SLC27A5: variants seen among roughly 807,000 people sequenced by gnomAD.
The protein encoded by SLC27A5 is solute carrier family 27 member 5.
Under a neutral mutation model 63.1 loss-of-function variants are expected in SLC27A5, and 47 were observed. That is an observed-to-expected ratio of 0.74 (90% CI 0.59 to 0.95). The LOEUF is 0.95. Ranked by LOEUF, SLC27A5 falls within the 40% of genes least tolerant of loss-of-function variation. The pLI is 0.00. For missense variants in SLC27A5, 940 were observed against 921.0 expected, an observed-to-expected ratio of 1.02 and a Z score of -0.27; for synonymous variants, 391 against 403.8, an observed-to-expected ratio of 0.97 and a Z score of 0.38.
intron 3 of SLC27A5, chr19:58,508,064 GTGA>G (rs2053366726): frequency 6.6e-6 from 1 of 152,138 alleles, no homozygotes; most frequent in Non-Finnish European, 1.5e-5. Context: ...TTTGAAGCAT[GTGA>G]TCTTTGTACC....
Position 58,501,017 on chromosome 19 carries a change from TTTAATTAA to T in SLC27A5, c.1182+261_1182+268del, listed in dbSNP as rs59564087. 1,610 of 1,182,062 alleles carry T rather than the reference TTTAATTAA, an allele frequency of 1.4e-3. 4 individuals carry two copies. The highest frequency in any genetic ancestry group is 1.4e-3 in the Non-Finnish European group (1,325 of 936,426). 73.2% of individuals were successfully genotyped at this position (1,182,062 alleles called of 1,614,324 possible). On this transcript the variant is annotated intron_variant, in intron 4 of 9. Transcript: ENST00000263093. Reference sequence around the variant, plus strand: ...AACTTTAATTTAATGGAAATTTAATTTTAATTAATTAATTTTTAATGGAAATTCTCATG... The same window carrying T: ...AACTTTAATTTAATGGAAATTTAATTTTAATTTTTAATGGAAATTCTCATG...
At chr19:58,500,295 G>A in intron 6 of SLC27A5, 44 bp downstream of exon 6, 1 of 1,533,838 alleles carries the variant, frequency 6.5e-7, no homozygotes. Flanking sequence ...AAGACTGAGG[G>A]TCGCCACCCC....
rs757837867 is a variant in SLC27A5 at position 58,511,595 on chromosome 19, C to T, written c.361G>A (p.Glu121Lys). 1.1e-5 allele frequency: 18 copies of T among 1,584,596 alleles called. No homozygotes were observed. The highest frequency in any genetic ancestry group is 2.3e-5 in the East Asian group (1 of 43,920). ...QPPDTFVDAF[E>K]RRARAQPGRA... ...CCAGGCTGCGCTCGTGCTCGCCGCT[C>T]GAAGGCATCTACAAAGGTGTCAGGC... is the stretch of plus-strand genomic sequence containing the variant. Residue 121 changes from glutamate to lysine, a missense_variant, in exon 1 of 10, where the codon GAG becomes AAG. By Grantham distance (56) the Glu-to-Lys change is moderately conservative. Coordinates refer to ENST00000263093, the MANE Select transcript of SLC27A5 (RefSeq NM_012254.3).
Position 58,499,649 on chromosome 19 carries a change from G to T in SLC27A5, c.1510C>A (p.Pro504Thr), listed in dbSNP as rs749771979. 5.0e-6 allele frequency: 8 copies of T among 1,612,448 alleles called. No homozygotes were observed. In the African/African-American group the frequency reaches 9.3e-5, roughly 19 times the overall value. The change falls in exon 7 of 10, where the codon CCC becomes ACC. Residue 504 changes from proline to threonine, a missense_variant. By Grantham distance (38) the Pro-to-Thr change is conservative (BLOSUM62 -1). Coordinates refer to ENST00000263093, the MANE Select transcript of SLC27A5 (RefSeq NM_012254.3). ...CGGGGGCCGCGGTAGCCCACGAAGG[G>T]TTGCTGGCTTACCACCTTGGTCAGC... ...LLLTKVVSQQPFVGYRGPREL... is the reference protein window; with the variant it reads ...LLLTKVVSQQTFVGYRGPREL...
Position 58,500,335 on chromosome 19 carries a change from A to C in SLC27A5, c.1468+4T>G. On this transcript the variant is annotated splice_donor_region_variant and intron_variant, in intron 6 of 9. Coordinates refer to ENST00000263093, the MANE Select transcript of SLC27A5 (RefSeq NM_012254.3). ...ACCCAGGAAAGGCTCCTCAACCCCC[A>C]TACCTAGCCCTACAGGGATGCAGAA... 1 of 1,611,882 alleles carries C rather than the reference A, an allele frequency of 6.2e-7. No homozygotes were observed. The highest frequency in any genetic ancestry group is 8.5e-7 in the Non-Finnish European group (1 of 1,179,442).
rs992511357 is a variant in SLC27A5, at chr19:58,501,497, C to G, written c.1058-87G>C. 28 of 1,445,238 alleles carry G rather than the reference C, an allele frequency of 1.9e-5. No homozygotes were observed. The African/African-American group carries it at 3.7e-4, about 19-fold the overall frequency. The allele number at this position is 1,445,238 out of a possible 1,614,324, so 89.5% of individuals were successfully genotyped here. On this transcript the variant is annotated intron_variant, in intron 3 of 9. Transcript: ENST00000263093. ...TTTAGCACCTGTGCTCACCCACCCC[C>G]ACACCCTGAAATACAGGACAATACT...
rs114836656 is a variant in SLC27A5 at position 58,502,464 on chromosome 19, C to T, written c.1058-1054G>A. ...GTGAGTGAGAAGATGGATGGGTGAA[C>T]AGAGTAGTGAGTGAGTAGATGGATG... On this transcript the variant is annotated intron_variant, in intron 3 of 9. Coordinates refer to ENST00000263093, the MANE Select transcript of SLC27A5 (RefSeq NM_012254.3). 4.1e-3 allele frequency among the ~76,000 whole-genome samples: 520 copies of T among 127,260 alleles called. 12 individuals are homozygous for T. Among genetic ancestry groups the T allele is most frequent in the African/African-American group, 0.015 (490 of 33,292 alleles). The allele number at this position is 127,260 out of a possible 152,430, so 83.5% of individuals were successfully genotyped here.
At chr19:58,511,013 G>A (rs1443424100) in intron 1 of SLC27A5, 83 bp from the exon 2 acceptor site, 3 of 1,134,400 alleles carry the variant, frequency 2.6e-6, no homozygotes, top group Non-Finnish European at 3.7e-6. Context: ...ACAGATGCAG[G>A]CAGAGGAGCA....
intron 3 of SLC27A5, among the ~76,000 whole-genome samples, chr19:58,501,889 C>T (rs1279350212): frequency 1.3e-5 from 2 of 152,202 alleles, no homozygotes; most frequent in Admixed American, 1.3e-4. Flanking sequence ...GTTGGCCAGG[C>T]TGGTCTTGAA....
At chr19:58,499,299 T>G (rs2053245649) in intron 7 of SLC27A5, 79 bp from the exon 8 acceptor site, 1 of 1,468,930 alleles carries the variant, frequency 6.8e-7, no homozygotes, top group Non-Finnish European at 9.3e-7. Context: ...CCCGCCCCTT[T>G]TGGGGATCAG....
In SLC27A5 at chr19:58,510,839, C is replaced by T. The variant is rs766541570; in HGVS notation, c.780G>A (p.Gly260=). The T allele has an allele frequency of 4.3e-6, 7 of 1,613,216 alleles. No homozygotes were observed. In the Admixed American group the frequency reaches 1.2e-4, roughly 27 times the overall value. The change falls in exon 2 of 10, where the codon GGG becomes GGA. Residue 260 remains glycine (G), a synonymous_variant. Coordinates refer to ENST00000263093, the MANE Select transcript of SLC27A5 (RefSeq NM_012254.3). ...CCAGGGCAGCCCCCAGAGCCCCCAC[C>T]CCTGGTGTAGGGGAGGTATGGCTGA... is the stretch of plus-strand genomic sequence containing the variant. ...FYLSHTSPTP[G]VGALGAALDA...
chr19:58,503,586 C>G (rs943764658), intron 3 of SLC27A5, among the ~76,000 whole-genome samples: 1 of 151,996 alleles, frequency 6.6e-6, no homozygotes, highest in Non-Finnish European at 1.5e-5. Flanking sequence ...TCGCTTGAAC[C>G]CAGGAGGGGG....
intron 3 of SLC27A5, 23 bp downstream of exon 3, chr19:58,509,824 G>C (rs556623064): frequency 6.2e-7 from 1 of 1,603,094 alleles, no homozygotes; most frequent in African/African-American, 1.3e-5. Context: ...GTAGACTGGA[G>C]GGATCCTCAG....
chr19:58,499,687 T>G lies in SLC27A5; in HGVS notation c.1472A>C (p.Glu491Ala). 1.2e-6 allele frequency: 2 copies of G among 1,610,792 alleles called. No individual in the cohort carries two copies. The highest frequency in any genetic ancestry group is 1.7e-6 in the Non-Finnish European group (2 of 1,179,874). The change falls in exon 7 of 10, where the codon GAG becomes GCG. Residue 491 changes from glutamate (E) to alanine (A), a missense_variant. Physicochemically the swap from Glu to Ala is moderately radical, Grantham distance 107. Coordinates refer to ENST00000263093, the MANE Select transcript of SLC27A5 (RefSeq NM_012254.3). ...CACCTTGGTCAGCAGCAGCCCCGGC[T>G]CCCCTGGGGTAGGAGCAGGAACAAG... The part of the protein sequence containing the change: ...QGFCIPVGLG[E>A]PGLLLTKVVS...
At chr19:58,503,297 G>A (rs932331699) in intron 3 of SLC27A5, among the ~76,000 whole-genome samples, 2 of 151,952 alleles carry the variant, frequency 1.3e-5, no homozygotes, top group Non-Finnish European at 2.9e-5. Flanking sequence ...GAGGAAGTAG[G>A]TGAGTAGGTA....
In SLC27A5 at chr19:58,511,630, C is replaced by T. The variant is rs772148333; in HGVS notation, c.326G>A (p.Ser109Asn). The T allele has an allele frequency of 1.9e-6, 3 of 1,597,778 alleles. No individual in the cohort carries two copies. Among genetic ancestry groups the T allele is most frequent in the African/African-American group, 1.3e-5 (1 of 74,626 alleles). ...HLGLKIRGCL[S>N]RQPPDTFVDA... ...TACAAAGGTGTCAGGCGGCTGCCGG[C>T]TCAAGCATCCCCTGATCTTCAGGCC... Residue 109 changes from serine to asparagine, a missense_variant, in exon 1 of 10, where the codon AGC (serine) becomes AAC (asparagine). Physicochemically the swap from Ser to Asn is conservative, Grantham distance 46. Transcript: ENST00000263093.
At chr19:58,510,606 T>G in intron 2 of SLC27A5, 115 bp downstream of exon 2, 2 of 926,012 alleles carry the variant, frequency 2.2e-6, no homozygotes, top group Non-Finnish European at 3.1e-6. Context: ...AAAACAAATG[T>G]CAAAATCAGA....
chr19:58,498,965 G>T (rs745648383), intron 8 of SLC27A5, 50 bp from the exon 9 acceptor site: 2 of 1,596,140 alleles, frequency 1.3e-6, no homozygotes, highest in Non-Finnish European at 1.7e-6. Flanking sequence ...AGGGCCCATA[G>T]CTGACCCTCC....
chr19:58,507,686 G>A (rs2053362743), intron 3 of SLC27A5: 1 of 152,152 alleles, frequency 6.6e-6, no homozygotes, highest in African/African-American at 2.4e-5. Context: ...GTGCAAGTAG[G>A]AGAGATATTG....
Sources: gnomAD v4.1 joint callset for allele counts (sites outside exome capture counted in the v4.1 genomes callset) on GRCh38, gnomAD v4.1.1 for gene constraint, MANE v1.5 for transcripts, NCBI Gene and HGNC (gene_info 2026-07-23, HGNC 2026-07-21) for gene names.